Variants in USP48 observed in about 807,000 individuals in gnomAD.
The protein encoded by USP48 is ubiquitin carboxyl-terminal hydrolase 48.
A neutral mutation model predicts 150.7 loss-of-function variants in USP48; 43 were observed. That is an observed-to-expected ratio of 0.29 (90% CI 0.22 to 0.37). USP48 has a LOEUF of 0.37. Ranked by LOEUF, USP48 falls within the 10% of genes least tolerant of loss-of-function variation. The pLI, the probability that USP48 is intolerant of heterozygous loss-of-function variation, is 1.00. For synonymous variants in USP48, 396 were observed against 425.9 expected, an observed-to-expected ratio of 0.93 and a Z score of 0.86; for missense variants, 813 against 1,249.6, an observed-to-expected ratio of 0.65 and a Z score of 5.27.
intron 8 of USP48, among the ~76,000 whole-genome samples, chr1:21,745,650 C>T (rs1269907813): frequency 2.0e-5 from 3 of 151,958 alleles, no homozygotes; most frequent in Non-Finnish European, 4.4e-5. Flanking sequence ...TCTAACACGT[C>T]CTTTTGATAA....
intron 9 of USP48, among the ~76,000 whole-genome samples, chr1:21,734,608 C>A (rs1009861976): frequency 1.1e-4 from 17 of 152,184 alleles, no homozygotes; most frequent in African/African-American, 3.9e-4. Flanking sequence ...AGGAGACACA[C>A]ACTTACTCCC....
At chr1:21,726,080 A>G (rs1295521997) in intron 11 of USP48, among the ~76,000 whole-genome samples, 1 of 152,208 alleles carries the variant, frequency 6.6e-6, no homozygotes. Flanking sequence ...AGAATAAGTC[A>G]CTAGGCATCC....
chr1:21,729,975 T>G (rs2097752458), intron 9 of USP48, 143 bp from the exon 10 acceptor site: 6 of 991,946 alleles, frequency 6.0e-6, no homozygotes, highest in Middle Eastern at 2.3e-4. Context: ...CCATAGAAAT[T>G]TGGCAGGCTC....
At chr1:21,692,388 C>T (rs972826791) in intron 23 of USP48, among the ~76,000 whole-genome samples, 3 of 152,082 alleles carry the variant, frequency 2.0e-5, no homozygotes, top group African/African-American at 4.8e-5. Context: ...AGCAGAGCTA[C>T]GGTGGATGTG....
At chr1:21,729,941 A>C in intron 9 of USP48, 109 bp from the exon 10 acceptor site, 1 of 1,333,518 alleles carries the variant, frequency 7.5e-7, no homozygotes, top group Non-Finnish European at 1.0e-6. Context: ...AGACACATTA[A>C]CACCAATCTA....
intron 11 of USP48, chr1:21,724,366 C>A: frequency 1.7e-6 from 1 of 589,506 alleles, no homozygotes; most frequent in South Asian, 2.1e-5. Context: ...CTACAAGAGG[C>A]ATCCACATAG....
At chr1:21,712,866 G>T (rs1005093521) in intron 15 of USP48, among the ~76,000 whole-genome samples, 1 of 151,976 alleles carries the variant, frequency 6.6e-6, no homozygotes, top group Non-Finnish European at 1.5e-5. Flanking sequence ...GACCTCAACT[G>T]ATCCGCCTGC....
At chr1:21,727,798 G>GTTA (rs753246236) in intron 11 of USP48, 116 of 892,308 alleles carry the variant, frequency 1.3e-4, no homozygotes, top group Non-Finnish European at 1.5e-4. Context: ...TTTGCTTAAA[G>GTTA]TTATACTAGT....
chr1:21,683,866 A>C (rs2097573587), intron 25 of USP48, among the ~76,000 whole-genome samples: 1 of 152,190 alleles, frequency 6.6e-6, no homozygotes, highest in African/African-American at 2.4e-5. Flanking sequence ...CCTACGTATG[A>C]GTGAGAAAAT....
intron 23 of USP48, among the ~76,000 whole-genome samples, 185 bp from the exon 24 acceptor site, chr1:21,690,284 A>C (rs2097594034): frequency 6.6e-6 from 1 of 151,970 alleles, no homozygotes; most frequent in African/African-American, 2.4e-5. Context: ...TATATCCGGG[A>C]ACATCCTTAA....
chr1:21,783,096 T>G lies in USP48; in HGVS notation c.-139A>C, dbSNP rs1485117307. The G allele has an allele frequency of 8.0e-7, 1 of 1,245,296 alleles. No individual in the cohort carries two copies. The highest frequency in any genetic ancestry group is 4.2e-5 in the Admixed American group (1 of 23,994). 77.1% of individuals were successfully genotyped at this position (1,245,296 alleles called of 1,614,324 possible). A position where few individuals can be genotyped will look rare whatever the true frequency, so the allele number is the denominator to read the frequency against. ...TCAGGCAGCTGGCCAGTCAATCACC[T>G]GTGCGCGCCACTGCCGCCGCGCCCG... On this transcript the variant is annotated 5_prime_UTR_variant, in exon 1 of 27. Transcript: ENST00000308271.
chr1:21,756,336 C>A (rs190647694), intron 3 of USP48, among the ~76,000 whole-genome samples: 1 of 151,726 alleles, frequency 6.6e-6, no homozygotes, highest in Non-Finnish European at 1.5e-5. Flanking sequence ...CAAAAACTAG[C>A]CAGGCGTGGT....
At chr1:21,681,841 T>C (rs1269440418) in intron 25 of USP48, among the ~76,000 whole-genome samples, 1 of 152,230 alleles carries the variant, frequency 6.6e-6, no homozygotes, top group Admixed American at 6.5e-5. Flanking sequence ...TTTCTCTGTA[T>C]TTATCTCCAA....
At chr1:21,703,280 A>G (rs1276243061) in intron 21 of USP48, among the ~76,000 whole-genome samples, 1 of 152,228 alleles carries the variant, frequency 6.6e-6, no homozygotes, top group African/African-American at 2.4e-5. Flanking sequence ...CATTCCTGGA[A>G]CACAGCTGAC....
chr1:21,744,225 C>G (rs993654063), intron 8 of USP48, among the ~76,000 whole-genome samples: 3 of 152,062 alleles, frequency 2.0e-5, no homozygotes, highest in Admixed American at 2.0e-4. Flanking sequence ...GGGCAGATCA[C>G]CTGAGGTTGG....
intron 25 of USP48, chr1:21,686,913 G>A (rs1007365138): frequency 8.8e-6 from 4 of 453,522 alleles, no homozygotes; most frequent in South Asian, 5.1e-5. Flanking sequence ...GTGCCTGTCT[G>A]GGGCACTGCA....
At chr1:21,719,986 G>T (rs376912201) in intron 14 of USP48, among the ~76,000 whole-genome samples, 1 of 151,982 alleles carries the variant, frequency 6.6e-6, no homozygotes, top group Admixed American at 6.6e-5. Context: ...TTCAATAAAG[G>T]TCAAGAACAT....
intron 8 of USP48, among the ~76,000 whole-genome samples, chr1:21,743,588 A>G (rs911484175): frequency 4.6e-5 from 7 of 152,206 alleles, no homozygotes; most frequent in Non-Finnish European, 1.5e-5. Flanking sequence ...ATGCATGCTT[A>G]TATAGTAAAA....
intron 3 of USP48, among the ~76,000 whole-genome samples, chr1:21,756,003 T>G (rs1335412842): frequency 6.6e-6 from 1 of 151,734 alleles, no homozygotes; most frequent in African/African-American, 2.4e-5. Flanking sequence ...CCGTCTCTAC[T>G]AAAAATACAA....
Sources: allele counts gnomAD v4.1 joint callset (sites outside exome capture counted in the v4.1 genomes callset), GRCh38; gene constraint gnomAD v4.1.1; transcripts MANE v1.5; gene names NCBI Gene and HGNC (gene_info 2026-07-23, HGNC 2026-07-21).